The following LYPLAL1 variants were observed in gnomAD, a reference collection of about 807,000 sequenced individuals.
LYPLAL1 encodes lysophospholipase like 1.
Under a neutral mutation model 19.7 loss-of-function variants are expected in LYPLAL1, and 23 were observed. The observed-to-expected ratio is 1.17, with a 90% CI of 0.84 to 1.65. The LOEUF is 1.65. Ranked by LOEUF, LYPLAL1 falls within the 40% of genes most tolerant of loss-of-function variation. The probability of loss-of-function intolerance (pLI) is 0.00; values close to 1 mark genes in which losing one functional copy is unlikely to be tolerated. For synonymous variants in LYPLAL1, 119 were observed against 96.3 expected, an observed-to-expected ratio of 1.24 and a Z score of -1.38; for missense variants, 355 against 279.4, an observed-to-expected ratio of 1.27 and a Z score of -1.93.
At chr1:219,233,962 A>T in the LYPLAL1 span, among the ~76,000 whole-genome samples, 5 of 152,186 alleles carry the variant, frequency 3.3e-5, no homozygotes, top group Non-Finnish European at 5.9e-5. Context: ...AAGAGATGTA[A>T]TGTGTATGGG....
chr1:219,211,057 G>A (rs1658995784), intron 4 of LYPLAL1, among the ~76,000 whole-genome samples: 1 of 152,082 alleles, frequency 6.6e-6, no homozygotes, highest in Non-Finnish European at 1.5e-5. Flanking sequence ...ATATGATGCA[G>A]CTTCAATTAT....
chr1:219,386,828 AATC>A, the LYPLAL1 span, among the ~76,000 whole-genome samples: 4 of 152,284 alleles, frequency 2.6e-5, no homozygotes, highest in South Asian at 2.1e-4. Context: ...TGGGACGCAT[AATC>A]ATCAAGTCAA....
chr1:219,355,116 A>G, the LYPLAL1 span, among the ~76,000 whole-genome samples: 4 of 152,316 alleles, frequency 2.6e-5, no homozygotes, highest in East Asian at 1.9e-4. Context: ...TCTTTCTGCA[A>G]TGATGGACGT....
At chr1:219,351,145 A>G in the LYPLAL1 span, among the ~76,000 whole-genome samples, 1 of 151,616 alleles carries the variant, frequency 6.6e-6, no homozygotes, top group Non-Finnish European at 1.5e-5. Context: ...GTTATCTAGT[A>G]TTTGCCAAAT....
At chr1:219,346,911 T>A in the LYPLAL1 span, among the ~76,000 whole-genome samples, 2 of 152,176 alleles carry the variant, frequency 1.3e-5, no homozygotes, top group Non-Finnish European at 2.9e-5. Context: ...GGAAGGTAAT[T>A]TGAAATGTAT....
rs150841943 is a variant in LYPLAL1 at position 219,210,264 on chromosome 1, A to G, written c.362-268A>G. On this transcript the variant is annotated intron_variant, in intron 3 of 4. Coordinates refer to ENST00000366928, the MANE Select transcript of LYPLAL1 (RefSeq NM_138794.5). ...GTAATATGACTCATTTTGAATTACG[A>G]TAGATATTTTACTTGGTGAACATGA... 512 of 201,938 alleles carry G rather than the reference A, an allele frequency of 2.5e-3. 8 individuals carry two copies. In the South Asian group the frequency reaches 0.026, roughly 10 times the overall value. The allele number at this position is 201,938 out of a possible 1,614,324, so 12.5% of individuals were successfully genotyped here.
At chr1:219,346,758 A>G in the LYPLAL1 span, among the ~76,000 whole-genome samples, 1 of 152,192 alleles carries the variant, frequency 6.6e-6, no homozygotes, top group African/African-American at 2.4e-5. Context: ...GCCATAAAAA[A>G]GAAGTTGCAA....
intron 3 of LYPLAL1, among the ~76,000 whole-genome samples, chr1:219,201,472 G>A (rs1174521232): frequency 6.6e-6 from 1 of 151,812 alleles, no homozygotes; most frequent in Non-Finnish European, 1.5e-5. Context: ...TATATGGTCA[G>A]TATTTTGTTA....
chr1:219,435,592 C>T, the LYPLAL1 span, among the ~76,000 whole-genome samples: 9 of 151,916 alleles, frequency 5.9e-5, no homozygotes, highest in African/African-American at 9.7e-5. Context: ...TTTGGGAGGC[C>T]GAGGCAGGCG....
At chr1:219,190,559 G>A (rs1287123069) in intron 2 of LYPLAL1, among the ~76,000 whole-genome samples, 1 of 127,012 alleles carries the variant, frequency 7.9e-6, no homozygotes, top group Admixed American at 9.2e-5. Flanking sequence ...CAAATCTAGA[G>A]ACCCAGAAAT....
At chr1:219,439,970 T>TAC in the LYPLAL1 span, among the ~76,000 whole-genome samples, 605 of 122,186 alleles carry the variant, frequency 5.0e-3, 6 homozygotes, top group African/African-American at 0.022. Context: ...TATATATATA[T>TAC]ATACATATAT....
At chr1:219,246,584 A>T in the LYPLAL1 span, among the ~76,000 whole-genome samples, 1 of 152,052 alleles carries the variant, frequency 6.6e-6, no homozygotes, top group Admixed American at 6.6e-5. Flanking sequence ...GACAACCTTA[A>T]TTTACATTGT....
At chr1:219,300,984 G>A in the LYPLAL1 span, among the ~76,000 whole-genome samples, 15 of 151,712 alleles carry the variant, frequency 9.9e-5, no homozygotes, top group African/African-American at 3.6e-4. Context: ...CTACTCAGGA[G>A]GCCTAGATGA....
At chr1:219,441,651 C>T in the LYPLAL1 span, among the ~76,000 whole-genome samples, 1 of 152,188 alleles carries the variant, frequency 6.6e-6, no homozygotes. Context: ...AATTAAGTCT[C>T]AGAAACACTT....
chr1:219,229,556 T>A, the LYPLAL1 span, among the ~76,000 whole-genome samples: 17 of 152,152 alleles, frequency 1.1e-4, no homozygotes, highest in Admixed American at 7.9e-4. Flanking sequence ...GATACAGAAA[T>A]CTCTCTGTCC....
the LYPLAL1 span, among the ~76,000 whole-genome samples, chr1:219,384,995 C>T: frequency 2.0e-5 from 3 of 152,130 alleles, no homozygotes; most frequent in Non-Finnish European, 4.4e-5. Context: ...GATCTTGGAT[C>T]GTCCAGACTA....
chr1:219,371,984 A>G, the LYPLAL1 span, among the ~76,000 whole-genome samples: 3 of 152,162 alleles, frequency 2.0e-5, no homozygotes, highest in South Asian at 2.1e-4. Context: ...CTTCCCTTCA[A>G]GTACCTTCTA....
At chr1:219,261,539 C>T in the LYPLAL1 span, among the ~76,000 whole-genome samples, 1 of 152,118 alleles carries the variant, frequency 6.6e-6, no homozygotes, top group African/African-American at 2.4e-5. Flanking sequence ...TCCTTTTAAC[C>T]TTTCTTGTAG....
At chr1:219,202,703 G>C (rs912586999) in intron 3 of LYPLAL1, among the ~76,000 whole-genome samples, 1 of 152,016 alleles carries the variant, frequency 6.6e-6, no homozygotes, top group Non-Finnish European at 1.5e-5. Context: ...TTTGAAACAG[G>C]GTCTTGCTGT....
Sources: allele counts gnomAD v4.1 joint callset (sites outside exome capture counted in the v4.1 genomes callset), GRCh38; gene constraint gnomAD v4.1.1; transcripts MANE v1.5; gene names NCBI Gene and HGNC (gene_info 2026-07-23, HGNC 2026-07-21).